TOX3: variants seen among roughly 807,000 people sequenced by gnomAD.
TOX3 encodes TOX high mobility group box family member 3.
Under a neutral mutation model 64.3 loss-of-function variants are expected in TOX3, and 22 were observed. The ratio of observed to expected loss-of-function variants is 0.34; its 90% confidence interval spans 0.24 to 0.49. TOX3 has a LOEUF of 0.49. TOX3 is among the 20% of genes least tolerant of loss of function. The pLI is 0.99. For synonymous variants in TOX3, 291 were observed against 273.6 expected, an observed-to-expected ratio of 1.06 and a Z score of -0.63; for missense variants, 661 against 714.4, an observed-to-expected ratio of 0.93 and a Z score of 0.85.
In TOX3 at chr16:52,531,713, G is replaced by A. The variant is rs553685510; in HGVS notation, c.87+14924C>T. Reference sequence around the variant, plus strand: ...AATGTGGCAAATCTGCGAACACATTGCAAGACACTGGAAGTGTTCAGAAGG... The same window carrying A: ...AATGTGGCAAATCTGCGAACACATTACAAGACACTGGAAGTGTTCAGAAGG... On this transcript the variant is annotated intron_variant, in intron 1 of 6. Coordinates refer to ENST00000219746, the MANE Select transcript of TOX3 (RefSeq NM_001080430.4). Among the ~76,000 whole-genome samples, 19 of 152,270 alleles carry A rather than the reference G, an allele frequency of 1.2e-4. No individual in the cohort carries two copies. In the South Asian group the frequency reaches 2.9e-3, roughly 23 times the overall value.
chr16:52,440,129 G>A (rs1959919228), intron 6 of TOX3, among the ~76,000 whole-genome samples, 161 bp from the exon 7 acceptor site: 1 of 152,026 alleles, frequency 6.6e-6, no homozygotes, highest in Non-Finnish European at 1.5e-5. Context: ...ACTCCTCCCT[G>A]AGGTGGAGTC....
intron 1 of TOX3, among the ~76,000 whole-genome samples, chr16:52,519,033 G>A (rs1014429171): frequency 6.6e-6 from 1 of 152,186 alleles, no homozygotes; most frequent in African/African-American, 2.4e-5. Flanking sequence ...CAGGTATCAG[G>A]AAATCCTTCC....
At chr16:52,512,551 A>G (rs1328635980) in intron 1 of TOX3, among the ~76,000 whole-genome samples, 3 of 152,226 alleles carry the variant, frequency 2.0e-5, no homozygotes, top group Non-Finnish European at 4.4e-5. Flanking sequence ...AAAAGAGGCC[A>G]AAGTCCATGC....
rs942632259 is a variant in TOX3 at position 52,438,295 on chromosome 16, C to T, written c.*930G>A. 6.6e-6 allele frequency: 1 copy of T among 152,602 alleles called. No individual in the cohort carries two copies. The highest frequency in any genetic ancestry group is 1.5e-5 in the Non-Finnish European group (1 of 68,026). The allele number at this position is 152,602 out of a possible 1,614,324, so 9.5% of individuals were successfully genotyped here. On this transcript the variant is annotated 3_prime_UTR_variant, in exon 7 of 7. Coordinates refer to ENST00000219746, the MANE Select transcript of TOX3 (RefSeq NM_001080430.4). The stretch of plus-strand genomic sequence containing the variant: ...TTACAGCACATGATATGAAAACTTA[C>T]AACTTTGAAAGAAAATATTTACATT...
chr16:52,515,011 C>CCAA (rs1491404430), intron 1 of TOX3, among the ~76,000 whole-genome samples: 1 of 15,832 alleles, frequency 6.3e-5, no homozygotes, highest in African/African-American at 1.8e-4. Flanking sequence ...GACTCCATCT[C>CCAA]AAAAAAAAAA....
intron 1 of TOX3, among the ~76,000 whole-genome samples, chr16:52,472,306 A>G (rs1961072636): frequency 6.6e-6 from 1 of 152,196 alleles, no homozygotes; most frequent in Admixed American, 6.5e-5. Flanking sequence ...AGGGGGAGAC[A>G]GGAAACAAAC....
intron 1 of TOX3, among the ~76,000 whole-genome samples, chr16:52,498,839 G>A (rs1459507085): frequency 1.3e-5 from 2 of 152,324 alleles, no homozygotes; most frequent in African/African-American, 2.4e-5. Flanking sequence ...CACACCCTGC[G>A]CCATCGAAAG....
chr16:52,458,425 A>T (rs2151751721), intron 3 of TOX3, among the ~76,000 whole-genome samples: 1 of 152,278 alleles, frequency 6.6e-6, no homozygotes, highest in South Asian at 2.1e-4. Flanking sequence ...TCCAAAAAAT[A>T]TTTGAGCCAT....
intron 4 of TOX3, among the ~76,000 whole-genome samples, chr16:52,448,039 A>C (rs1960217140): frequency 6.6e-6 from 1 of 152,150 alleles, no homozygotes; most frequent in Non-Finnish European, 1.5e-5. Context: ...CCTTTCTTGG[A>C]TAACCATGAT....
At chr16:52,474,614 CT>C (rs1393123632) in intron 1 of TOX3, among the ~76,000 whole-genome samples, 1 of 142,636 alleles carries the variant, frequency 7.0e-6, no homozygotes, top group African/African-American at 2.6e-5. Context: ...GAGACCCTGT[CT>C]CAAAAAAAAA....
In TOX3 at chr16:52,483,607, C is replaced by A. The variant is rs923422979; in HGVS notation, c.88-15033G>T. Among the ~76,000 whole-genome samples, 4 of 118,638 alleles carry A rather than the reference C, an allele frequency of 3.4e-5. No individual in the cohort carries two copies. The Admixed American group carries it at 3.4e-4, about 10-fold the overall frequency. 77.8% of individuals were successfully genotyped at this position (118,638 alleles called of 152,430 possible). ...TTTTTGAGACAGAGTCTTGCTCTGT[C>A]GCCCAGGCTGGAGTGCAGTGGCGCG... On this transcript the variant is annotated intron_variant, in intron 1 of 6. Transcript: ENST00000219746.
intron 6 of TOX3, among the ~76,000 whole-genome samples, chr16:52,440,759 T>C (rs1959949757): frequency 8.3e-6 from 1 of 119,766 alleles, no homozygotes; most frequent in Admixed American, 7.9e-5. Flanking sequence ...TTTCTTTTTT[T>C]TTTTTTTTTT....
Position 52,485,759 on chromosome 16 carries a change from C to A in TOX3, c.88-17185G>T, listed in dbSNP as rs188144878. On this transcript the variant is annotated intron_variant, in intron 1 of 6. Coordinates refer to ENST00000219746, the MANE Select transcript of TOX3 (RefSeq NM_001080430.4). ...CAGACCAGATGAGAGATGATGAGAG[C>A]ATGACCCCAGATGGTAATGGAGAGA... is the stretch of plus-strand genomic sequence containing the variant. Among the ~76,000 whole-genome samples the A allele has an allele frequency of 1.2e-4, 18 of 152,206 alleles. No homozygotes were observed. In the East Asian group the frequency reaches 2.1e-3, roughly 18 times the overall value.
At chr16:52,541,905 C>T (rs988130941) in intron 1 of TOX3, among the ~76,000 whole-genome samples, 21 of 152,130 alleles carry the variant, frequency 1.4e-4, no homozygotes, top group African/African-American at 5.1e-4. Flanking sequence ...TCTCATGGGC[C>T]CACAACAATG....
At chr16:52,496,381 G>T (rs1961850581) in intron 1 of TOX3, among the ~76,000 whole-genome samples, 1 of 152,134 alleles carries the variant, frequency 6.6e-6, no homozygotes, top group Non-Finnish European at 1.5e-5. Context: ...ACTATAAACT[G>T]TTATGAAAGA....
chr16:52,479,557 T>C (rs1307455143), intron 1 of TOX3, among the ~76,000 whole-genome samples: 1 of 152,212 alleles, frequency 6.6e-6, no homozygotes, highest in Non-Finnish European at 1.5e-5. Context: ...ACTGGGCATC[T>C]CTTATAAAAT....
intron 1 of TOX3, among the ~76,000 whole-genome samples, chr16:52,478,334 G>A (rs1043243067): frequency 2.6e-5 from 4 of 152,126 alleles, no homozygotes; most frequent in Non-Finnish European, 5.9e-5. Flanking sequence ...CATTGCACTT[G>A]CTGTTCTTGC....
At chr16:52,462,423 CTT>C (rs1960718529) in intron 3 of TOX3, among the ~76,000 whole-genome samples, 1 of 152,024 alleles carries the variant, frequency 6.6e-6, no homozygotes, top group Non-Finnish European at 1.5e-5. Flanking sequence ...CTCCTTTACA[CTT>C]TTTTATGGCA....
intron 1 of TOX3, among the ~76,000 whole-genome samples, chr16:52,516,842 T>C (rs905550088): frequency 6.6e-6 from 1 of 152,208 alleles, no homozygotes. Context: ...TTCACAACTG[T>C]ACATGTTTGT....
Sources: allele counts gnomAD v4.1 joint callset (sites outside exome capture counted in the v4.1 genomes callset), GRCh38; gene constraint gnomAD v4.1.1; transcripts MANE v1.5; gene names NCBI Gene and HGNC (gene_info 2026-07-23, HGNC 2026-07-21).